XYLT1: variants seen among roughly 807,000 people sequenced by gnomAD.
The protein encoded by XYLT1 is beta-D-xylosyltransferase 1.
A neutral mutation model predicts 91.3 loss-of-function variants in XYLT1; 36 were observed. The observed-to-expected ratio is 0.39, with a 90% CI of 0.30 to 0.52. The LOEUF is 0.52. Ranked by LOEUF, XYLT1 falls within the 20% of genes least tolerant of loss-of-function variation. The pLI is 0.68. For missense variants in XYLT1, 1,242 were observed against 1,284.5 expected (o/e 0.97, Z 0.51); for synonymous variants, 588 against 532.0 (o/e 1.11, Z -1.45).
intron 1 of XYLT1, among the ~76,000 whole-genome samples, chr16:17,456,039 C>T (rs1185204821): frequency 6.6e-6 from 1 of 152,148 alleles, no homozygotes; most frequent in Non-Finnish European, 1.5e-5. Flanking sequence ...CAAAATATTA[C>T]GTGTCAGGTG....
chr16:17,265,379 A>G (rs536527983), intron 2 of XYLT1, among the ~76,000 whole-genome samples: 1 of 152,258 alleles, frequency 6.6e-6, no homozygotes, highest in South Asian at 2.1e-4. Flanking sequence ...TTATTTCGCA[A>G]TTGTGATCAA....
chr16:17,437,389 C>T lies in XYLT1; in HGVS notation c.363+33045G>A, dbSNP rs564709438. On this transcript the variant is annotated intron_variant, in intron 1 of 11. Transcript: ENST00000261381. ...CACTTTTCAAACCCGGCATCCTCCG[C>T]CTCCAATCGTATTTGGCTCCACAGA... 8.8e-4 allele frequency among the ~76,000 whole-genome samples: 134 copies of T among 152,240 alleles called. 1 individual carries two copies. Among genetic ancestry groups the T allele is most frequent in the Non-Finnish European group, 1.7e-3 (119 of 68,026 alleles).
intron 1 of XYLT1, among the ~76,000 whole-genome samples, chr16:17,375,570 G>A (rs2035588396): frequency 6.6e-6 from 1 of 151,674 alleles, no homozygotes; most frequent in Admixed American, 6.6e-5. Flanking sequence ...CACAAAGCAG[G>A]AATTGCTAGT....
intron 2 of XYLT1, among the ~76,000 whole-genome samples, chr16:17,337,554 G>A (rs762221164): frequency 2.0e-5 from 3 of 152,072 alleles, no homozygotes; most frequent in African/African-American, 7.2e-5. Flanking sequence ...AGGACTTCAC[G>A]TTGCTAAATC....
At chr16:17,229,302 G>A (rs914620939) in intron 3 of XYLT1, among the ~76,000 whole-genome samples, 1 of 152,160 alleles carries the variant, frequency 6.6e-6, no homozygotes, top group Admixed American at 6.5e-5. Context: ...TCCATGTGAG[G>A]GCTGGTTTGC....
intron 1 of XYLT1, among the ~76,000 whole-genome samples, chr16:17,392,095 T>C (rs2035827097): frequency 6.6e-6 from 1 of 152,142 alleles, no homozygotes; most frequent in Admixed American, 6.5e-5. Context: ...ACATACAACA[T>C]AGCAATTTGT....
chr16:17,351,756 G>GGT (rs1314889226), intron 2 of XYLT1, among the ~76,000 whole-genome samples: 1 of 148,778 alleles, frequency 6.7e-6, no homozygotes, highest in Non-Finnish European at 1.5e-5. Flanking sequence ...TTTTGGGGGG[G>GGT]GGTGCTTTCC....
At chr16:17,294,440 C>T (rs1026202414) in intron 2 of XYLT1, among the ~76,000 whole-genome samples, 1 of 152,124 alleles carries the variant, frequency 6.6e-6, no homozygotes, top group South Asian at 2.1e-4. Flanking sequence ...CTATTTTTAT[C>T]GTCTTTCCGC....
chr16:17,371,942 C>A (rs901791819), intron 1 of XYLT1, among the ~76,000 whole-genome samples: 1 of 152,094 alleles, frequency 6.6e-6, no homozygotes, highest in Non-Finnish European at 1.5e-5. Context: ...AACACCCCCC[C>A]AAAAAAAGTT....
At chr16:17,253,633 C>T (rs574945062) in intron 3 of XYLT1, among the ~76,000 whole-genome samples, 16 of 152,154 alleles carry the variant, frequency 1.1e-4, no homozygotes, top group Admixed American at 9.2e-4. Flanking sequence ...ATGCTCATCT[C>T]CCCTTTACAG....
At chr16:17,465,012 T>C (rs1393378220) in intron 1 of XYLT1, among the ~76,000 whole-genome samples, 1 of 151,274 alleles carries the variant, frequency 6.6e-6, no homozygotes, top group Non-Finnish European at 1.5e-5. Flanking sequence ...GGCGTGGTGG[T>C]GCACGCCTGT....
chr16:17,235,279 C>T (rs1027249710), intron 3 of XYLT1, among the ~76,000 whole-genome samples: 15 of 151,152 alleles, frequency 9.9e-5, no homozygotes, highest in African/African-American at 3.6e-4. Flanking sequence ...GGCCTGGAAC[C>T]ACTAACAGCC....
intron 5 of XYLT1, among the ~76,000 whole-genome samples, chr16:17,167,326 G>T (rs948013616): frequency 6.6e-6 from 1 of 152,280 alleles, no homozygotes; most frequent in Non-Finnish European, 1.5e-5. Flanking sequence ...AATTGATACA[G>T]GTAGAACCTC....
intron 2 of XYLT1, chr16:17,355,507 C>G (rs751319423): frequency 6.6e-6 from 1 of 152,164 alleles, no homozygotes. Flanking sequence ...GGTAGAGACA[C>G]GTTTCCCAAA....
intron 10 of XYLT1, among the ~76,000 whole-genome samples, chr16:17,126,605 C>T (rs748614267): frequency 4.6e-5 from 7 of 152,214 alleles, no homozygotes; most frequent in Non-Finnish European, 4.4e-5. Context: ...GACTCCCCCT[C>T]TCCCCAACAT....
intron 3 of XYLT1, among the ~76,000 whole-genome samples, chr16:17,238,562 G>C (rs1377187291): frequency 6.6e-6 from 1 of 152,202 alleles, no homozygotes; most frequent in Non-Finnish European, 1.5e-5. Context: ...CCCTGTCTTA[G>C]AGAAATCAGG....
intron 2 of XYLT1, among the ~76,000 whole-genome samples, chr16:17,269,465 C>T (rs1045184145): frequency 3.3e-5 from 5 of 152,160 alleles, no homozygotes; most frequent in African/African-American, 1.2e-4. Context: ...GCGTGAGCTA[C>T]CACGCCTGGC....
intron 1 of XYLT1, among the ~76,000 whole-genome samples, chr16:17,369,353 A>G (rs2035497673): frequency 6.6e-6 from 1 of 152,038 alleles, no homozygotes; most frequent in Non-Finnish European, 1.5e-5. Flanking sequence ...TTAGGGTGAA[A>G]TCATGATATT....
At position 17,196,924 on chromosome 16, in the gene XYLT1, T is replaced by A. The variant is rs575258220; in HGVS notation, c.1289+1288A>T. On this transcript the variant is annotated intron_variant, in intron 5 of 11. Coordinates refer to ENST00000261381, the MANE Select transcript of XYLT1 (RefSeq NM_022166.4). ...TACTTCAGAGGTTGAGGTAGGAGAA[T>A]CACTTGAACCTGGTGGGTGGAGGCT... Among the ~76,000 whole-genome samples, 11 of 151,048 alleles carry A rather than the reference T, an allele frequency of 7.3e-5. No homozygotes were observed. The East Asian group carries it at 1.7e-3, about 24-fold the overall frequency.
Sources: gnomAD v4.1 joint callset for allele counts (sites outside exome capture counted in the v4.1 genomes callset) on GRCh38, gnomAD v4.1.1 for gene constraint, MANE v1.5 for transcripts, NCBI Gene and HGNC (gene_info 2026-07-23, HGNC 2026-07-21) for gene names.